RASA3: variants seen among roughly 807,000 people sequenced by gnomAD.
RASA3 encodes the protein RAS p21 protein activator 3, also known as ras GTPase-activating protein 3.
A neutral mutation model predicts 110.0 loss-of-function variants in RASA3; 73 were observed. The observed-to-expected ratio is 0.66, with a 90% CI of 0.55 to 0.81. The LOEUF (loss-of-function observed/expected upper bound fraction) is 0.81. RASA3 is among the 30% of genes least tolerant of loss of function. RASA3 has a pLI of 0.00. For synonymous variants in RASA3, 500 were observed against 451.4 expected, an observed-to-expected ratio of 1.11 and a Z score of -1.37; for missense variants, 976 against 1,113.2, an observed-to-expected ratio of 0.88 and a Z score of 1.75.
At chr13:114,002,873 G>A (rs115462638) in intron 18 of RASA3, among the ~76,000 whole-genome samples, 16,592 of 152,208 alleles carry the variant, frequency 0.11, 1,056 homozygotes, top group Middle Eastern at 0.15. Context: ...GCTCGGCCCC[G>A]CGCAGCCACG....
intron 3 of RASA3, among the ~76,000 whole-genome samples, chr13:114,043,098 G>A (rs964876825): frequency 2.0e-5 from 3 of 152,082 alleles, no homozygotes; most frequent in African/African-American, 7.2e-5. Flanking sequence ...CAGAGCCCGT[G>A]GGCCTGGGCC....
At chr13:114,019,871 T>C (rs9525329) in intron 9 of RASA3, among the ~76,000 whole-genome samples, 141 of 32,778 alleles carry the variant, frequency 4.3e-3, no homozygotes, top group African/African-American at 8.6e-3. Flanking sequence ...TTAGCCCCCC[T>C]CAGGTGGGTG....
chr13:114,038,208 G>C (rs1300974521), intron 4 of RASA3, among the ~76,000 whole-genome samples: 1 of 152,344 alleles, frequency 6.6e-6, no homozygotes. Flanking sequence ...CCCCAGCGAC[G>C]GCGGGTATCC....
intron 1 of RASA3, among the ~76,000 whole-genome samples, chr13:114,122,328 C>T (rs371682951): frequency 1.7e-4 from 26 of 152,360 alleles, no homozygotes; most frequent in South Asian, 1.0e-3. Flanking sequence ...GCATCCCACC[C>T]GGACCTCGGA....
chr13:114,040,945 G>A (rs550929124), intron 4 of RASA3, 55 bp downstream of exon 4: 34 of 1,555,140 alleles, frequency 2.2e-5, no homozygotes, highest in Non-Finnish European at 2.4e-5. Flanking sequence ...GGCCCGTCTC[G>A]AAGCCCCATG....
chr13:114,128,940 T>C (rs2080484401), intron 1 of RASA3, among the ~76,000 whole-genome samples: 2 of 151,994 alleles, frequency 1.3e-5, no homozygotes, highest in Non-Finnish European at 2.9e-5. Context: ...TTTTTTTTTC[T>C]GTAACAGATT....
At chr13:114,100,296 C>T (rs2080039924) in intron 1 of RASA3, among the ~76,000 whole-genome samples, 1 of 152,112 alleles carries the variant, frequency 6.6e-6, no homozygotes, top group African/African-American at 2.4e-5. Flanking sequence ...CTCCCCACTG[C>T]GTCCTGGGGC....
intron 1 of RASA3, among the ~76,000 whole-genome samples, chr13:114,082,310 G>C (rs2079797882): frequency 6.6e-6 from 1 of 152,254 alleles, no homozygotes. Flanking sequence ...GCCTCACGCA[G>C]TACCAAATTG....
intron 3 of RASA3, among the ~76,000 whole-genome samples, chr13:114,042,484 C>A (rs9525213): frequency 0.35 from 53,219 of 152,266 alleles, 9,532 homozygotes; most frequent in Middle Eastern, 0.48. Context: ...CAGAGACACA[C>A]ACGCCCTCCT....
At chr13:114,009,261 A>G (rs1337922334) in intron 17 of RASA3, 126 bp downstream of exon 17, 2 of 760,070 alleles carry the variant, frequency 2.6e-6, no homozygotes, top group African/African-American at 3.5e-5. Context: ...AATGCACCGA[A>G]CGCCTTTATT....
At chr13:114,021,887 G>GGCTCTGTGCCAGGAGGGAGCCAGGCGTC (rs1232671103) in intron 8 of RASA3, among the ~76,000 whole-genome samples, 1 of 152,102 alleles carries the variant, frequency 6.6e-6, no homozygotes, top group Non-Finnish European at 1.5e-5. Flanking sequence ...CATGACCCCA[G>GGCTCTGTGCCAGGAGGGAGCCAGGCGTC]GCTCTGTGCC....
At chr13:114,062,696 T>G (rs1230969751) in intron 2 of RASA3, among the ~76,000 whole-genome samples, 2 of 151,682 alleles carry the variant, frequency 1.3e-5, no homozygotes, top group Non-Finnish European at 2.9e-5. Flanking sequence ...CGGACACGCG[T>G]GCTCACAGCC....
At position 114,056,291 on chromosome 13, in the gene RASA3, G is replaced by A. The variant is rs946613275; in HGVS notation, c.174-4136C>T. ...TGTGTGTCTGATGCATATTTGGTGCGTGTCCGGTGCGTGGTGAGGGGCGGT... is the reference window on the plus strand; with the variant it reads ...TGTGTGTCTGATGCATATTTGGTGCATGTCCGGTGCGTGGTGAGGGGCGGT... On this transcript the variant is annotated intron_variant, in intron 2 of 23. Transcript: ENST00000334062. This position sits in a 1 kb window ranked among gnomAD's most constrained non-coding sequence, Gnocchi z 5.7. 2.0e-5 allele frequency among the ~76,000 whole-genome samples: 3 copies of A among 152,308 alleles called. No individual in the cohort carries two copies. The highest frequency in any genetic ancestry group is 6.5e-5 in the Admixed American group (1 of 15,302).
intron 1 of RASA3, among the ~76,000 whole-genome samples, chr13:114,076,521 G>A (rs965259562): frequency 4.6e-5 from 7 of 151,278 alleles, no homozygotes; most frequent in South Asian, 4.2e-4. Flanking sequence ...GCGCACACAC[G>A]CAGCACACGC....
In RASA3 at chr13:114,101,082, C is replaced by T. The variant is rs571100892; in HGVS notation, c.56-27245G>A. The stretch of plus-strand genomic sequence containing the variant: ...CGGGGGTGTAGGGACAGGGGCTCCC[C>T]ACACCCACATGGATGGCCTGTGCAG... On this transcript the variant is annotated intron_variant, in intron 1 of 23. Coordinates refer to ENST00000334062, the MANE Select transcript of RASA3 (RefSeq NM_007368.4). Among the ~76,000 whole-genome samples the T allele has an allele frequency of 1.8e-4, 27 of 152,280 alleles. No individual in the cohort carries two copies. In the South Asian group the frequency reaches 5.4e-3, roughly 30 times the overall value.
At chr13:114,089,538 C>T (rs2079865490) in intron 1 of RASA3, among the ~76,000 whole-genome samples, 1 of 152,052 alleles carries the variant, frequency 6.6e-6, no homozygotes, top group Non-Finnish European at 1.5e-5. Flanking sequence ...CTCCCAGCTG[C>T]AGAAGAGTTG....
intron 2 of RASA3, among the ~76,000 whole-genome samples, chr13:114,060,008 G>A (rs944931051): frequency 5.3e-5 from 8 of 152,254 alleles, no homozygotes; most frequent in African/African-American, 1.4e-4. Flanking sequence ...ACGAGTGAGC[G>A]CTTGAACAGC....
At position 114,000,490 on chromosome 13, in the gene RASA3, G is replaced by A. The variant is rs75702740; in HGVS notation, c.1849+336C>T. 5.8e-3 allele frequency among the ~76,000 whole-genome samples: 881 copies of A among 152,306 alleles called. 24 individuals carry two copies. Among genetic ancestry groups the A allele is most frequent in the East Asian group, 0.057 (294 of 5,174 alleles). ...GGGGCAGGAGGTGGTGGGAAGCCCC[G>A]TCTACCTCGGCGGAGCGGCACCCTG... is the stretch of plus-strand genomic sequence containing the variant. On this transcript the variant is annotated intron_variant, in intron 19 of 23. Transcript: ENST00000334062.
chr13:114,076,578 GCA>G (rs1453876254), intron 1 of RASA3, among the ~76,000 whole-genome samples: 2 of 151,888 alleles, frequency 1.3e-5, no homozygotes, highest in African/African-American at 2.4e-5. Context: ...GGCAGCACAC[GCA>G]CACACACGCG....
Sources: gnomAD v4.1 joint callset for allele counts (sites outside exome capture counted in the v4.1 genomes callset) on GRCh38, gnomAD v4.1.1 for gene constraint, Gnocchi (gnomAD v3.1) non-coding constraint, MANE v1.5 for transcripts, NCBI Gene and HGNC (gene_info 2026-07-23, HGNC 2026-07-21) for gene names.